Variants in HIC2 observed in about 807,000 individuals in gnomAD.
HIC2 encodes hypermethylated in cancer 2 protein.
HIC2 carries 2 observed loss-of-function variants against 39.5 expected under a neutral mutation model. That is an observed-to-expected ratio of 0.05 (90% CI 0.02 to 0.16). HIC2 has a LOEUF of 0.16. Among genes scored for constraint, HIC2 ranks in the 10% least tolerant of loss-of-function variants. The pLI is 1.00. For missense variants in HIC2, 713 were observed against 863.5 expected (o/e 0.83, Z 2.18); for synonymous variants, 399 against 368.8 (o/e 1.08, Z -0.94).
At position 21,446,991 on chromosome 22, in the gene HIC2, G is replaced by A. The variant is rs41282577; in HGVS notation, c.*248G>A. On this transcript the variant is annotated 3_prime_UTR_variant, in exon 3 of 3. Coordinates refer to ENST00000407464, the MANE Select transcript of HIC2 (RefSeq NM_015094.3). The stretch of plus-strand genomic sequence containing the variant: ...CCCACCCAGGCCCCCAGCTCCCCGC[G>A]GGGGCCACCGCAGGGCCTGTGGGCT... The A allele has an allele frequency of 9.7e-3, 5,364 of 552,328 alleles. 47 individuals carry two copies. Among genetic ancestry groups the A allele is most frequent in the Non-Finnish European group, 0.013 (4,104 of 319,732 alleles). The allele number at this position is 552,328 out of a possible 1,614,324, so 34.2% of individuals were successfully genotyped here. A position where few individuals can be genotyped will look rare whatever the true frequency, so the allele number is the denominator to read the frequency against.
intron 1 of HIC2, among the ~76,000 whole-genome samples, chr22:21,418,165 C>G (rs1295905882): frequency 8.4e-6 from 1 of 118,402 alleles, no homozygotes; most frequent in Non-Finnish European, 1.7e-5. Context: ...TGCCCTGCCC[C>G]CAGACCTCTC....
rs1923725946 is a variant in HIC2 at position 21,445,100 on chromosome 22, A to G, written c.205A>G (p.Ile69Val). 3 of 1,614,202 alleles carry G rather than the reference A, an allele frequency of 1.9e-6. No individual in the cohort carries two copies. Among genetic ancestry groups the G allele is most frequent in the Non-Finnish European group, 2.5e-6 (3 of 1,180,040 alleles). The change falls in exon 3 of 3, where the codon ATC becomes GTC. Residue 69 changes from isoleucine (I) to valine (V), a missense_variant. Around this residue, in one of 5 missense-constraint regions of HIC2, gnomAD observed 102 missense variants for 187.1 expected, o/e 0.55. Coordinates refer to ENST00000407464, the MANE Select transcript of HIC2 (RefSeq NM_015094.3). ...CAAGAACGTCCTAGCCGCCAGCAGC[A>G]TCTATTTCAAGTCCCTGGTCCTGCA... ...AHKNVLAASS[I>V]YFKSLVLHDN...
chr22:21,438,177 G>A (rs1305296046), intron 1 of HIC2, among the ~76,000 whole-genome samples: 2 of 152,288 alleles, frequency 1.3e-5, no homozygotes, highest in Admixed American at 6.5e-5. Flanking sequence ...TCTGAAGGCA[G>A]GGTTATCATG....
In HIC2 at chr22:21,445,415, C is replaced by T. The variant is rs529269358; in HGVS notation, c.520C>T (p.Arg174Trp). 2.7e-4 allele frequency: 418 copies of T among 1,531,490 alleles called. No individual in the cohort carries two copies. The highest frequency in any genetic ancestry group is 1.8e-4 in the Middle Eastern group (1 of 5,658). The allele number at this position is 1,531,490 out of a possible 1,614,324, so 94.9% of individuals were successfully genotyped here. The change falls in exon 3 of 3, where the codon CGG becomes TGG. Residue 174 changes from arginine (R) to tryptophan (W), a missense_variant. This residue lies in a region of HIC2 where 457 missense variants were observed against 420.2 expected (regional missense o/e 1.09). Coordinates refer to ENST00000407464, the MANE Select transcript of HIC2 (RefSeq NM_015094.3). ...RLSTASVIQA[R>W]YQGLVDGRKG... ...GTCCACGGCCTCTGTCATCCAAGCT[C>T]GGTATCAGGGGCTCGTGGATGGGCG...
At chr22:21,444,318 C>T (rs777577214) in intron 2 of HIC2, among the ~76,000 whole-genome samples, 11 of 152,232 alleles carry the variant, frequency 7.2e-5, no homozygotes, top group Non-Finnish European at 7.3e-5. Flanking sequence ...CAGCACTTGG[C>T]GCCCGCCCAG....
In HIC2 at chr22:21,448,916, G is replaced by T; in HGVS notation, c.*2173G>T. 1 of 152,918 alleles carries T rather than the reference G, an allele frequency of 6.5e-6. No homozygotes were observed. Among genetic ancestry groups the T allele is most frequent in the Non-Finnish European group, 1.5e-5 (1 of 68,050 alleles). The allele number at this position is 152,918 out of a possible 1,614,324, so 9.5% of individuals were successfully genotyped here. The stretch of plus-strand genomic sequence containing the variant: ...CGCCCCATCAGCACTTAAGCCACAT[G>T]ACACAAAGTCTGTACCGCACGGGAA... On this transcript the variant is annotated 3_prime_UTR_variant, in exon 3 of 3. Coordinates refer to ENST00000407464, the MANE Select transcript of HIC2 (RefSeq NM_015094.3).
rs1345156082 is a variant in HIC2 at position 21,450,981 on chromosome 22, C to T, written c.*4238C>T. The T allele has an allele frequency of 1.3e-5, 2 of 152,812 alleles. No individual in the cohort carries two copies. The highest frequency in any genetic ancestry group is 4.8e-5 in the African/African-American group (2 of 41,464). 9.5% of individuals were successfully genotyped at this position (152,812 alleles called of 1,614,324 possible). A position where few individuals can be genotyped will look rare whatever the true frequency, so the allele number is the denominator to read the frequency against. ...ACCTCACTGGGGCAGGGAGGATCCC[C>T]AGGGCTCCCACCCTCCACTTGGCGG... On this transcript the variant is annotated 3_prime_UTR_variant, in exon 3 of 3. Transcript: ENST00000407464.
chr22:21,449,401 AAG>A lies in HIC2; in HGVS notation c.*2663_*2664del, dbSNP rs940019653. ...AGAAAATAGCAGATATCATGTAGGA[AAG>A]AGAGGATAAACAAAGAAAAAAGAAA... On this transcript the variant is annotated 3_prime_UTR_variant, in exon 3 of 3. Coordinates refer to ENST00000407464, the MANE Select transcript of HIC2 (RefSeq NM_015094.3). 11 of 152,726 alleles carry A rather than the reference AAG, an allele frequency of 7.2e-5. No homozygotes were observed. Among genetic ancestry groups the A allele is most frequent in the South Asian group, 2.1e-4 (1 of 4,826 alleles). 9.5% of individuals were successfully genotyped at this position (152,726 alleles called of 1,614,324 possible).
Position 21,445,273 on chromosome 22 carries a change from C to T in HIC2, c.378C>T (p.Leu126=). The change falls in exon 3 of 3, where the codon CTC becomes CTT. Residue 126 remains leucine (L), a synonymous_variant. Transcript: ENST00000407464. ...FSTLLTAASY[L]QLPELAALCR... ...CCCTCCTCACTGCCGCCAGCTACCT[C>T]CAGCTGCCCGAGTTGGCAGCCCTCT... The T allele has an allele frequency of 6.2e-7, 1 of 1,611,894 alleles. No homozygotes were observed. Among genetic ancestry groups the T allele is most frequent in the Non-Finnish European group, 8.5e-7 (1 of 1,179,574 alleles).
rs966156981 is a variant in HIC2, at chr22:21,447,485, G to A, written c.*742G>A. 3.9e-5 allele frequency: 6 copies of A among 152,636 alleles called. No individual in the cohort carries two copies. The highest frequency in any genetic ancestry group is 1.2e-4 in the African/African-American group (5 of 41,432). 9.5% of individuals were successfully genotyped at this position (152,636 alleles called of 1,614,324 possible). On this transcript the variant is annotated 3_prime_UTR_variant, in exon 3 of 3. Transcript: ENST00000407464. The stretch of plus-strand genomic sequence containing the variant: ...CCGCTGGCACTCCTGCGCGTCCCCC[G>A]GCTCTGGCGCTGCAGGGGTGTCGGC...
intron 1 of HIC2, among the ~76,000 whole-genome samples, chr22:21,423,481 A>ATGG (rs1252078998): frequency 8.4e-6 from 1 of 119,578 alleles, no homozygotes; most frequent in Non-Finnish European, 1.8e-5. Flanking sequence ...TGGGAAGAGG[A>ATGG]TGGTCCCCAC....
intron 2 of HIC2, among the ~76,000 whole-genome samples, chr22:21,443,757 T>C (rs1420274001): frequency 6.6e-6 from 1 of 152,152 alleles, no homozygotes; most frequent in Non-Finnish European, 1.5e-5. Flanking sequence ...GGGACTCTGG[T>C]AGGGGTGAGA....
At chr22:21,444,025 G>A (rs186755350) in intron 2 of HIC2, among the ~76,000 whole-genome samples, 1 of 152,156 alleles carries the variant, frequency 6.6e-6, no homozygotes, top group East Asian at 1.9e-4. Flanking sequence ...GGGATGGGAA[G>A]CGTGGCGAGG....
At position 21,445,496 on chromosome 22, in the gene HIC2, C is replaced by G; in HGVS notation, c.601C>G (p.Leu201Val). The G allele has an allele frequency of 6.3e-7, 1 of 1,587,128 alleles. No individual in the cohort carries two copies. The highest frequency in any genetic ancestry group is 8.5e-7 in the Non-Finnish European group (1 of 1,169,904). ...LPQAKGSDDE[L>V]FLGGSNQDSV... ...CCAAGCCAAAGGCTCAGACGATGAA[C>G]TCTTTCTTGGTGGCTCTAACCAGGA... The change falls in exon 3 of 3, where the codon CTC becomes GTC. Residue 201 changes from leucine (L) to valine (V), a missense_variant. This residue lies in a region of HIC2 where 457 missense variants were observed against 420.2 expected (regional missense o/e 1.09). Coordinates refer to ENST00000407464, the MANE Select transcript of HIC2 (RefSeq NM_015094.3).
rs1453169656 is a variant in HIC2 at position 21,417,501 on chromosome 22, AAGGGCCGCTGGT to A, written c.-125_-114del. On this transcript the variant is annotated 5_prime_UTR_variant, in exon 1 of 3. Transcript: ENST00000407464. ...GCGGCGCGAGCCGGGCGCTGAGGAC[AAGGGCCGCTGGT>A]AGGGCCGGCCGGCCGGCGGGCGGAG... The A allele has an allele frequency of 8.9e-5, 13 of 145,302 alleles. No homozygotes were observed. The highest frequency in any genetic ancestry group is 3.2e-4 in the African/African-American group (13 of 40,370). The allele number at this position is 145,302 out of a possible 1,614,324, so 9.0% of individuals were successfully genotyped here.
chr22:21,449,066 TCAA>T lies in HIC2; in HGVS notation c.*2325_*2327del, dbSNP rs1176547959. On this transcript the variant is annotated 3_prime_UTR_variant, in exon 3 of 3. Transcript: ENST00000407464. ...GGGACTGGGAGCAGAGGCCCCTCAC[TCAA>T]CGACGTTTGTGCGACATAGTATTGT... 6.5e-6 allele frequency: 1 copy of T among 152,814 alleles called. No homozygotes were observed. The highest frequency in any genetic ancestry group is 1.9e-4 in the East Asian group (1 of 5,326). 9.5% of individuals were successfully genotyped at this position (152,814 alleles called of 1,614,324 possible).
chr22:21,449,551 A>C lies in HIC2; in HGVS notation c.*2808A>C, dbSNP rs1472746699. ...CTAATATATTTATCTCATTGTTTAC[A>C]TAAGCTTTTACAGTTTCAGACCTCA... On this transcript the variant is annotated 3_prime_UTR_variant, in exon 3 of 3. Coordinates refer to ENST00000407464, the MANE Select transcript of HIC2 (RefSeq NM_015094.3). 6.5e-6 allele frequency: 1 copy of C among 152,832 alleles called. No individual in the cohort carries two copies. The highest frequency in any genetic ancestry group is 1.9e-4 in the East Asian group (1 of 5,338). The allele number at this position is 152,832 out of a possible 1,614,324, so 9.5% of individuals were successfully genotyped here.
chr22:21,444,437 G>A lies in HIC2; in HGVS notation c.27-485G>A, dbSNP rs112433712. Among the ~76,000 whole-genome samples the A allele has an allele frequency of 1.1e-4, 17 of 152,352 alleles. 1 individual carries two copies. Among genetic ancestry groups the A allele is most frequent in the Admixed American group, 2.6e-4 (4 of 15,302 alleles). On this transcript the variant is annotated intron_variant, in intron 2 of 2. Coordinates refer to ENST00000407464, the MANE Select transcript of HIC2 (RefSeq NM_015094.3). ...CTGGCAGTTTGATTTGGGCCCTGCC[G>A]TATTTCAAAAGGAACCACCATTTAG... is the stretch of plus-strand genomic sequence containing the variant.
At chr22:21,432,313 C>T (rs1419935552) in intron 1 of HIC2, among the ~76,000 whole-genome samples, 1 of 88,576 alleles carries the variant, frequency 1.1e-5, no homozygotes, top group African/African-American at 4.5e-5. Flanking sequence ...CCTCGCTTGC[C>T]GTGCTCCCAG....
Sources: allele counts gnomAD v4.1 joint callset (sites outside exome capture counted in the v4.1 genomes callset), GRCh38; gene constraint gnomAD v4.1.1; regional missense constraint gnomAD v4.1.1; transcripts MANE v1.5; gene names NCBI Gene and HGNC (gene_info 2026-07-23, HGNC 2026-07-21).